Variants in FRMPD1 observed in about 807,000 individuals in gnomAD.
FRMPD1 encodes the protein FERM and PDZ domain containing 1.
Under a neutral mutation model 117.8 loss-of-function variants are expected in FRMPD1, and 76 were observed. That is an observed-to-expected ratio of 0.65 (90% confidence interval 0.54 to 0.78). The LOEUF (loss-of-function observed/expected upper bound fraction) is 0.78, where lower values mean the gene tolerates loss of function less well. FRMPD1 is among the 30% of genes least tolerant of loss of function. FRMPD1 has a pLI of 0.00. For synonymous variants in FRMPD1, 783 were observed against 770.4 expected (o/e 1.02, Z -0.27); for missense variants, 1,786 against 1,964.5 (o/e 0.91, Z 1.72).
the FRMPD1 span, among the ~76,000 whole-genome samples, chr9:37,638,008 CTT>C: frequency 3.7e-5 from 4 of 107,198 alleles, 1 homozygote; most frequent in Admixed American, 2.2e-4. Flanking sequence ...TTCTTTCTTT[CTT>C]TCTTTCTTTC....
chr9:37,706,400 T>C (rs1274415738), intron 2 of FRMPD1, among the ~76,000 whole-genome samples: 1 of 152,206 alleles, frequency 6.6e-6, no homozygotes, highest in Non-Finnish European at 1.5e-5. Context: ...TGAAAGTGTT[T>C]GGTAAATGGA....
At chr9:37,609,209 T>C in the FRMPD1 span, among the ~76,000 whole-genome samples, 1 of 152,034 alleles carries the variant, frequency 6.6e-6, no homozygotes, top group Non-Finnish European at 1.5e-5. Flanking sequence ...GGAGAATCAC[T>C]TGAACCTGGG....
upstream of FRMPD1, among the ~76,000 whole-genome samples, chr9:37,647,510 CAA>C (rs369681968): frequency 2.4e-4 from 19 of 80,266 alleles, no homozygotes; most frequent in African/African-American, 2.9e-4. Flanking sequence ...GACTCCGTTT[CAA>C]AAAAAAAAAA....
rs1820656321 is a variant in FRMPD1 at position 37,651,094 on chromosome 9, G to C, written c.-5G>C. On this transcript the variant is annotated splice_region_variant and 5_prime_UTR_variant, in exon 1 of 16. Transcript: ENST00000377765. The stretch of plus-strand genomic sequence containing the variant: ...CCGCGCGGGCGGCACCTCCTCTGCA[G>C]GTAAGGGAGGGGTCCTGGCACCGCA... 1 of 152,320 alleles carries C rather than the reference G, an allele frequency of 6.6e-6. No homozygotes were observed. The highest frequency in any genetic ancestry group is 2.4e-5 in the African/African-American group (1 of 41,448). 9.4% of individuals were successfully genotyped at this position (152,320 alleles called of 1,614,324 possible). A position where few individuals can be genotyped will look rare whatever the true frequency, so the allele number is the denominator to read the frequency against.
At chr9:37,645,660 C>G in the FRMPD1 span, among the ~76,000 whole-genome samples, 62 of 152,180 alleles carry the variant, frequency 4.1e-4, no homozygotes, top group Admixed American at 1.4e-3. Flanking sequence ...TAGTATTATA[C>G]AGTGAATTGG....
chr9:37,745,572 C>T lies in FRMPD1; in HGVS notation c.3540C>T (p.Asp1180=), dbSNP rs755134363. 7.4e-6 allele frequency: 12 copies of T among 1,613,238 alleles called. No individual in the cohort carries two copies. The Admixed American group carries it at 2.0e-4, about 27-fold the overall frequency. The part of the protein sequence containing the change: ...TEQIPPHPPR[D]PQGQSREPPG... The stretch of plus-strand genomic sequence containing the variant: ...AGATCCCACCACATCCCCCTAGAGA[C>T]CCTCAAGGACAGAGCAGAGAACCCC... The change falls in exon 16 of 16, where the codon GAC becomes GAT. Residue 1180 remains aspartate (D), a synonymous_variant. Transcript: ENST00000377765.
intron 15 of FRMPD1, among the ~76,000 whole-genome samples, chr9:37,743,814 C>T (rs1208482784): frequency 2.0e-5 from 3 of 151,292 alleles, no homozygotes; most frequent in African/African-American, 7.3e-5. Context: ...GGGAGGATTG[C>T]TTGAACTCAG....
intron 1 of FRMPD1, among the ~76,000 whole-genome samples, chr9:37,689,558 G>A (rs914808800): frequency 3.9e-5 from 6 of 151,978 alleles, no homozygotes; most frequent in African/African-American, 1.5e-4. Flanking sequence ...CTTTTATACA[G>A]GTGTTACCTT....
intron 5 of FRMPD1, among the ~76,000 whole-genome samples, chr9:37,716,628 C>T (rs1266865578): frequency 6.6e-6 from 1 of 152,230 alleles, no homozygotes; most frequent in African/African-American, 2.4e-5. Flanking sequence ...TTTCTCTCTG[C>T]ATCTCTCCTC....
At chr9:37,643,562 T>C in the FRMPD1 span, among the ~76,000 whole-genome samples, 1 of 152,184 alleles carries the variant, frequency 6.6e-6, no homozygotes, top group African/African-American at 2.4e-5. Flanking sequence ...TTCTTTCTAG[T>C]CTCTGCTTGA....
Position 37,744,676 on chromosome 9 carries a change from C to T in FRMPD1, c.2644C>T (p.Pro882Ser). 1.2e-6 allele frequency: 2 copies of T among 1,614,096 alleles called. No homozygotes were observed. Among genetic ancestry groups the T allele is most frequent in the Non-Finnish European group, 1.7e-6 (2 of 1,180,016 alleles). ...CTACCTGGCCCTTGGTGCACCCTCC[C>T]CAACTGTGTCCTCTCTGCAGGACAT... ...EPYLALGAPS[P>S]TVSSLQDMQG... Residue 882 changes from proline to serine, a missense_variant, in exon 16 of 16, where the codon CCA becomes TCA. Transcript: ENST00000377765.
chr9:37,647,657 G>A (rs1824166996), upstream of FRMPD1, among the ~76,000 whole-genome samples: 1 of 152,124 alleles, frequency 6.6e-6, no homozygotes, highest in Non-Finnish European at 1.5e-5. Flanking sequence ...ATAAGACATT[G>A]TATTTCTCAA....
At chr9:37,685,432 A>C (rs1320818810) in intron 1 of FRMPD1, among the ~76,000 whole-genome samples, 19 of 152,152 alleles carry the variant, frequency 1.2e-4, no homozygotes, top group Non-Finnish European at 2.4e-4. Flanking sequence ...TCACAAAGTC[A>C]GGAGATCGAG....
At chr9:37,715,756 A>G in intron 5 of FRMPD1, 1 of 455,386 alleles carries the variant, frequency 2.2e-6, no homozygotes, top group Admixed American at 2.4e-5. Flanking sequence ...CAGGTATAAA[A>G]GTACGGGAGC....
the FRMPD1 span, among the ~76,000 whole-genome samples, chr9:37,635,785 C>A: frequency 6.6e-6 from 1 of 152,216 alleles, no homozygotes; most frequent in African/African-American, 2.4e-5. Context: ...CTGGATGGAA[C>A]CCACATTCCC....
upstream of FRMPD1, among the ~76,000 whole-genome samples, chr9:37,648,586 A>C (rs1820574144): frequency 6.6e-6 from 1 of 152,202 alleles, no homozygotes; most frequent in Admixed American, 6.5e-5. Flanking sequence ...AACGAAAGCA[A>C]GGGCGGCAGG....
chr9:37,697,240 C>T (rs1822351359), intron 2 of FRMPD1, among the ~76,000 whole-genome samples: 1 of 152,150 alleles, frequency 6.6e-6, no homozygotes, highest in South Asian at 2.1e-4. Flanking sequence ...GATGACTCCT[C>T]TGTTACCACT....
the FRMPD1 span, among the ~76,000 whole-genome samples, chr9:37,637,963 G>GCTT: frequency 0.015 from 1,463 of 100,128 alleles, 216 homozygotes; most frequent in African/African-American, 0.053. Context: ...AATGGTGTAT[G>GCTT]CTTTCTTTCT....
intron 1 of FRMPD1, among the ~76,000 whole-genome samples, chr9:37,674,705 G>A (rs1222980456): frequency 2.0e-5 from 3 of 152,152 alleles, no homozygotes; most frequent in Admixed American, 6.5e-5. Context: ...ACCTGGTGGC[G>A]GCAAGAGCAA....
Sources: gnomAD v4.1 joint callset for allele counts (sites outside exome capture counted in the v4.1 genomes callset) on GRCh38, gnomAD v4.1.1 for gene constraint, MANE v1.5 for transcripts, NCBI Gene and HGNC (gene_info 2026-07-23, HGNC 2026-07-21) for gene names.